The following ATAD2 variants were observed in gnomAD, a reference collection of about 807,000 sequenced individuals.
The protein encoded by ATAD2 is ATPase family AAA domain containing 2.
In ATAD2, 62 loss-of-function variants were observed where a neutral mutation model predicts 168.9. The observed-to-expected ratio is 0.37, with a 90% CI of 0.30 to 0.45. The LOEUF is 0.45. Ranked by LOEUF, ATAD2 falls within the 20% of genes least tolerant of loss-of-function variation. The pLI is 1.00. For missense variants in ATAD2, 1,419 were observed against 1,667.8 expected, an observed-to-expected ratio of 0.85 and a Z score of 2.60; for synonymous variants, 613 against 571.6, an observed-to-expected ratio of 1.07 and a Z score of -1.03.
intron 1 of ATAD2, among the ~76,000 whole-genome samples, chr8:123,404,715 C>T (rs1014054688): frequency 5.3e-5 from 8 of 152,076 alleles, no homozygotes; most frequent in East Asian, 1.9e-4. Context: ...TACAGGCGCC[C>T]GCCACCACGC....
intron 8 of ATAD2, among the ~76,000 whole-genome samples, chr8:123,364,212 C>G (rs781363030): frequency 6.6e-6 from 1 of 151,754 alleles, no homozygotes; most frequent in Non-Finnish European, 1.5e-5. Flanking sequence ...CCTCACTTTA[C>G]AGATAAAAAA....
intron 8 of ATAD2, among the ~76,000 whole-genome samples, chr8:123,364,924 A>G (rs1828926924): frequency 6.6e-6 from 1 of 152,158 alleles, no homozygotes; most frequent in Admixed American, 6.5e-5. Context: ...AGTCCTAGCC[A>G]CAGCAATCAG....
chr8:123,360,979 T>C (rs1221938671), intron 9 of ATAD2, among the ~76,000 whole-genome samples: 2 of 151,574 alleles, frequency 1.3e-5, no homozygotes, highest in African/African-American at 4.8e-5. Context: ...GGTTATTTCC[T>C]TAAGTCACTG....
chr8:123,396,107 C>T, intron 1 of ATAD2, 80 bp downstream of exon 1: 4 of 1,445,902 alleles, frequency 2.8e-6, no homozygotes, highest in Non-Finnish European at 3.6e-6. Context: ...CGCCGCCCAC[C>T]CCCAGGCCCC....
At position 123,347,015 on chromosome 8, in the gene ATAD2, A is replaced by G. The variant is rs1828268552; in HGVS notation, c.2212+77T>C. 4 of 1,393,604 alleles carry G rather than the reference A, an allele frequency of 2.9e-6. No homozygotes were observed. In the Admixed American group the frequency reaches 9.8e-5, roughly 34 times the overall value. The allele number at this position is 1,393,604 out of a possible 1,614,324, so 86.3% of individuals were successfully genotyped here. A position where few individuals can be genotyped will look rare whatever the true frequency, so the allele number is the denominator to read the frequency against. ...TTTCAAGAGATTCTTTTACAAATAA[A>G]TATTTCTGGTATGTATGAAACATTT... is the stretch of plus-strand genomic sequence containing the variant. On this transcript the variant is annotated intron_variant, in intron 16 of 27. Transcript: ENST00000287394.
At chr8:123,359,710 C>A in intron 9 of ATAD2, 25 bp from the exon 10 acceptor site, 1 of 1,515,218 alleles carries the variant, frequency 6.6e-7, no homozygotes, top group East Asian at 2.3e-5. Context: ...TTTTTAAAAC[C>A]ACACAAACCC....
chr8:123,356,831 G>A (rs1445812057), intron 12 of ATAD2, among the ~76,000 whole-genome samples: 7 of 151,344 alleles, frequency 4.6e-5, no homozygotes, highest in Non-Finnish European at 7.4e-5. Flanking sequence ...TTCTAGTAAC[G>A]GGGTTTTAAG....
At chr8:123,357,854 T>A in intron 11 of ATAD2, 118 bp from the exon 12 acceptor site, 1 of 1,026,972 alleles carries the variant, frequency 9.7e-7, no homozygotes, top group South Asian at 1.8e-5. Flanking sequence ...GTAAGACAAC[T>A]GAATTATGGT....
chr8:123,403,599 G>C (rs1813035075), intron 1 of ATAD2, among the ~76,000 whole-genome samples: 2 of 152,100 alleles, frequency 1.3e-5, no homozygotes, highest in African/African-American at 4.8e-5. Flanking sequence ...ACCACGCCAG[G>C]ATGGGAGTTT....
intron 1 of ATAD2, 91 bp from the exon 2 acceptor site, chr8:123,380,768 G>A (rs1441300538): frequency 7.5e-7 from 1 of 1,324,870 alleles, no homozygotes; most frequent in Non-Finnish European, 1.0e-6. Flanking sequence ...TTACAAGTTA[G>A]TAAAAACTGC....
At chr8:123,328,665 G>C (rs1827682331) in intron 24 of ATAD2, 86 bp from the exon 25 acceptor site, 1 of 1,289,252 alleles carries the variant, frequency 7.8e-7, no homozygotes, top group African/African-American at 1.5e-5. Flanking sequence ...TATATGAAAG[G>C]ATAAATAGTG....
chr8:123,366,280 G>A (rs971537530), intron 8 of ATAD2, among the ~76,000 whole-genome samples: 1 of 152,030 alleles, frequency 6.6e-6, no homozygotes, highest in African/African-American at 2.4e-5. Flanking sequence ...AGATGTTGGT[G>A]TGTATATAGT....
In ATAD2 at chr8:123,383,367, TA is replaced by T. The variant is rs60996107; in HGVS notation, c.172-2691del. Among the ~76,000 whole-genome samples the T allele has an allele frequency of 8.8e-3, 1,283 of 145,010 alleles. 13 individuals are homozygous for T. The highest frequency in any genetic ancestry group is 0.03 in the African/African-American group (1,186 of 39,746). On this transcript the variant is annotated intron_variant, in intron 1 of 27. Transcript: ENST00000287394. ...AATTTTAAAAGTAAACAAAATTAAA[TA>T]AAAAAAAAAAGTTCTATCTCTCACC... is the stretch of plus-strand genomic sequence containing the variant.
At chr8:123,398,640 T>A (rs1247397345), upstream of ATAD2, among the ~76,000 whole-genome samples, 1 of 152,028 alleles carries the variant, frequency 6.6e-6, no homozygotes, top group African/African-American at 2.4e-5. Flanking sequence ...GCCTCCCTAG[T>A]AGCTGGGACC....
intron 19 of ATAD2, among the ~76,000 whole-genome samples, chr8:123,339,923 C>G (rs1050952233): frequency 6.6e-6 from 1 of 151,676 alleles, no homozygotes; most frequent in Non-Finnish European, 1.5e-5. Flanking sequence ...GACAAGGTCT[C>G]GCTCTGTCAC....
At chr8:123,395,370 G>T (rs1451286071) in intron 1 of ATAD2, among the ~76,000 whole-genome samples, 1 of 152,110 alleles carries the variant, frequency 6.6e-6, no homozygotes, top group Admixed American at 6.6e-5. Context: ...TGCAAAAACC[G>T]TCACTGCACT....
At chr8:123,334,665 A>G (rs942072683) in intron 22 of ATAD2, among the ~76,000 whole-genome samples, 3 of 152,274 alleles carry the variant, frequency 2.0e-5, no homozygotes, top group African/African-American at 7.2e-5. Flanking sequence ...TAGTGAACAA[A>G]GAATGTGAAA....
chr8:123,387,721 G>A (rs1261683509), intron 1 of ATAD2, among the ~76,000 whole-genome samples: 2 of 152,136 alleles, frequency 1.3e-5, no homozygotes, highest in African/African-American at 2.4e-5. Context: ...TGCAGAATCA[G>A]TAAGTTAACA....
In ATAD2 at chr8:123,328,558, C is replaced by T. The variant is rs199726058; in HGVS notation, c.3500G>A (p.Arg1167His). 2.5e-5 allele frequency: 38 copies of T among 1,532,848 alleles called. No homozygotes were observed. The highest frequency in any genetic ancestry group is 2.9e-5 in the Non-Finnish European group (33 of 1,140,990). The allele number at this position is 1,532,848 out of a possible 1,614,324, so 95.0% of individuals were successfully genotyped here. Residue 1167 changes from arginine to histidine, a missense_variant, in exon 25 of 28, where the codon CGC (arginine) becomes CAC (histidine). Physicochemically the swap from Arg to His is conservative, Grantham distance 29 (BLOSUM62 0). Around this residue, in one of 5 missense-constraint regions of ATAD2, gnomAD observed 303 missense variants for 304.3 expected, o/e 1.00. Coordinates refer to ENST00000287394, the MANE Select transcript of ATAD2 (RefSeq NM_014109.4). Reference sequence around the variant, plus strand: ...GCCTAAGTACCAGTTTGACTTTTTGCGAATTTTCCTCTTCAACTGAGCTTC... The same window carrying T: ...GCCTAAGTACCAGTTTGACTTTTTGTGAATTTTCCTCTTCAACTGAGCTTC... Reference protein sequence around the residue: ...STPAQLKRKIRKKSNWYLGTI... With the variant: ...STPAQLKRKIHKKSNWYLGTI...
Sources: allele counts gnomAD v4.1 joint callset (sites outside exome capture counted in the v4.1 genomes callset), GRCh38; gene constraint gnomAD v4.1.1; regional missense constraint gnomAD v4.1.1; transcripts MANE v1.5; gene names NCBI Gene and HGNC (gene_info 2026-07-23, HGNC 2026-07-21).